The following TASOR2 variants were observed in gnomAD, a reference collection of about 807,000 sequenced individuals.
The protein encoded by TASOR2 is protein TASOR 2.
TASOR2 carries 84 observed loss-of-function variants against 199.5 expected under a neutral mutation model. The observed-to-expected ratio is 0.42, with a 90% CI of 0.35 to 0.50. The LOEUF is 0.50. Among genes scored for constraint, TASOR2 ranks in the 20% least tolerant of loss-of-function variants. The pLI is 0.02. For missense variants in TASOR2, 2,796 were observed against 2,835.9 expected, an observed-to-expected ratio of 0.99 and a Z score of 0.32; for synonymous variants, 1,103 against 1,046.6, an observed-to-expected ratio of 1.05 and a Z score of -1.04.
chr10:5,703,725 G>A (rs955509104), intron 1 of TASOR2, among the ~76,000 whole-genome samples: 4 of 151,158 alleles, frequency 2.6e-5, no homozygotes, highest in African/African-American at 4.9e-5. Flanking sequence ...CGATGGTCTC[G>A]ATCTCCTGAC....
chr10:5,726,823 T>C, intron 8 of TASOR2, 62 bp from the exon 10 acceptor site: 1 of 1,425,062 alleles, frequency 7.0e-7, no homozygotes, highest in Non-Finnish European at 9.9e-7. Flanking sequence ...TGAGTATGGG[T>C]AGAGGGAGAA....
Position 5,757,416 on chromosome 10 carries a change from G to A in TASOR2, c.6733-104G>A, listed in dbSNP as rs886729950. The A allele has an allele frequency of 3.4e-5, 39 of 1,146,596 alleles. No individual in the cohort carries two copies. In the Admixed American group the frequency reaches 1.0e-3, roughly 29 times the overall value. 71.0% of individuals were successfully genotyped at this position (1,146,596 alleles called of 1,614,324 possible). A position where few individuals can be genotyped will look rare whatever the true frequency, so the allele number is the denominator to read the frequency against. On this transcript the variant is annotated intron_variant, in intron 16 of 20. Transcript: ENST00000328090. ...GGTAATCCAGGTTGAAATATTTTCA[G>A]TTGTTCCTGAACCTTGACTCTCTTG...
In TASOR2 at chr10:5,701,867, C is replaced by A. The variant is rs1446660640; in HGVS notation, c.-287-10956C>A. On this transcript the variant is annotated intron_variant, in intron 1 of 20. Coordinates refer to ENST00000328090, the Ensembl canonical transcript of TASOR2. The surrounding 1 kb of genome is among the most constrained non-coding windows in gnomAD (Gnocchi z 4.9). Reference sequence around the variant, plus strand: ...GTTCTAACAATTTTTTTGGTGGAGTCCAGGTTTTTCTAAGTATAAGATCAC... The same window carrying A: ...GTTCTAACAATTTTTTTGGTGGAGTACAGGTTTTTCTAAGTATAAGATCAC... 6.6e-6 allele frequency among the ~76,000 whole-genome samples: 1 copy of A among 152,048 alleles called. No homozygotes were observed. Among genetic ancestry groups the A allele is most frequent in the African/African-American group, 2.4e-5 (1 of 41,402 alleles).
chr10:5,759,843 A>G lies in TASOR2; in HGVS notation c.6992+851A>G, dbSNP rs538429748. Among the ~76,000 whole-genome samples the G allele has an allele frequency of 5.9e-5, 9 of 152,380 alleles. No homozygotes were observed. In the South Asian group the frequency reaches 8.3e-4, roughly 14 times the overall value. ...AGCACAGAGGTTTCCTTGGCAGGAA[A>G]GGAGGGTGCAAAGGCTTCAGCAGGT... On this transcript the variant is annotated intron_variant, in intron 18 of 20. Coordinates refer to ENST00000328090, the Ensembl canonical transcript of TASOR2.
chr10:5,763,164 A>G lies in TASOR2; in HGVS notation c.*132A>G, dbSNP rs183243244. ...GAAAAACCAATGTTCTACAACTTGG[A>G]AAGTTTTCATTTTTTATATTTTGCT... On this transcript the variant is annotated 3_prime_UTR_variant, in exon 21 of 21. Transcript: ENST00000328090. 93 of 874,086 alleles carry G rather than the reference A, an allele frequency of 1.1e-4. No homozygotes were observed. The East Asian group carries it at 2.6e-3, about 25-fold the overall frequency. 54.1% of individuals were successfully genotyped at this position (874,086 alleles called of 1,614,324 possible). A position where few individuals can be genotyped will look rare whatever the true frequency, so the allele number is the denominator to read the frequency against.
rs774511921 is a variant in TASOR2, at chr10:5,742,392, C to T, written c.2623C>T (p.Leu875Phe). Residue 875 changes from leucine (L) to phenylalanine (F), a missense_variant, in exon 14 of 21, where the codon CTT (leucine) becomes TTT (phenylalanine). Physicochemically the swap from Leu to Phe is conservative, Grantham distance 22. Coordinates refer to ENST00000328090, the Ensembl canonical transcript of TASOR2. This position sits in a 1 kb window ranked among gnomAD's most constrained non-coding sequence, Gnocchi z 4.2. ...ATCCTTCCGTGATCCTAACTGCTTGCTTCCTTTCATTAAAACACCACTTAC... is the reference window on the plus strand; with the variant it reads ...ATCCTTCCGTGATCCTAACTGCTTGTTTCCTTTCATTAAAACACCACTTAC... 2 of 1,614,070 alleles carry T rather than the reference C, an allele frequency of 1.2e-6. No individual in the cohort carries two copies. The highest frequency in any genetic ancestry group is 1.1e-5 in the South Asian group (1 of 91,080).
At chr10:5,700,672 T>G (rs1341995453) in intron 1 of TASOR2, among the ~76,000 whole-genome samples, 2 of 152,194 alleles carry the variant, frequency 1.3e-5, no homozygotes, top group African/African-American at 4.8e-5. Context: ...TGCTTTTCTC[T>G]GATCATTCAT....
chr10:5,749,985 C>T (rs1837798121), exon 15 of TASOR2: 1 of 1,611,706 alleles, frequency 6.2e-7, no homozygotes, highest in Non-Finnish European at 8.5e-7. Flanking sequence ...TCCTGTTCTA[C>T]CTTGTCGAAA....
chr10:5,726,803 T>C (rs1347624880), intron 8 of TASOR2, 82 bp from the exon 10 acceptor site: 4 of 1,252,716 alleles, frequency 3.2e-6, no homozygotes, highest in Non-Finnish European at 4.6e-6. Flanking sequence ...TTGAGGTCAA[T>C]ATTCACTAAT....
In TASOR2 at chr10:5,742,256, G is replaced by T; in HGVS notation, c.2487G>T (p.Thr829=). ...CAAAATATGTGTCTATAAATAGCACGTTAGAATCTTGTGAGCTCCGTGAAA... is the reference window on the plus strand; with the variant it reads ...CAAAATATGTGTCTATAAATAGCACTTTAGAATCTTGTGAGCTCCGTGAAA... Residue 829 remains threonine, a synonymous_variant, in exon 14 of 21, where the codon ACG becomes ACT. Coordinates refer to ENST00000328090, the Ensembl canonical transcript of TASOR2. The surrounding 1 kb of genome is among the most constrained non-coding windows in gnomAD (Gnocchi z 4.2). 6 of 1,614,168 alleles carry T rather than the reference G, an allele frequency of 3.7e-6. No individual in the cohort carries two copies. The highest frequency in any genetic ancestry group is 5.1e-6 in the Non-Finnish European group (6 of 1,180,028).
At chr10:5,700,395 G>T (rs1837676104) in intron 1 of TASOR2, among the ~76,000 whole-genome samples, 1 of 152,010 alleles carries the variant, frequency 6.6e-6, no homozygotes, top group African/African-American at 2.4e-5. Context: ...AGTAAATACG[G>T]GAGTGCAGAT....
In TASOR2 at chr10:5,749,862, G is replaced by C. The variant is rs575974081; in HGVS notation, c.6441G>C (p.Met2147Ile). ...CTGGAGAAGCCACTGCTCAAGAGAT[G>C]TATCTGCCTTTCCCAGGACGGTCAG... The change falls in exon 15 of 21, where the codon ATG becomes ATC. Residue 2147 changes from methionine to isoleucine, a missense_variant. By Grantham distance (10) the Met-to-Ile change is conservative (BLOSUM62 1). This residue lies in a region of TASOR2 where 1,941 missense variants were observed against 1,924.9 expected (regional missense o/e 1.01). Transcript: ENST00000328090. The C allele has an allele frequency of 3.1e-6, 5 of 1,614,194 alleles. No homozygotes were observed. The South Asian group carries it at 5.5e-5, about 18-fold the overall frequency.
intron 2 of TASOR2, chr10:5,713,709 A>G (rs1832220873): frequency 6.6e-6 from 1 of 152,536 alleles, no homozygotes; most frequent in Admixed American, 6.5e-5. Flanking sequence ...TCATGCTTCT[A>G]AAGCTGTAGT....
Position 5,763,017 on chromosome 10 carries a change from G to A in TASOR2, c.7290-12G>A, listed in dbSNP as rs779384581. 8.7e-6 allele frequency: 14 copies of A among 1,610,472 alleles called. No homozygotes were observed. Among genetic ancestry groups the A allele is most frequent in the African/African-American group, 2.7e-5 (2 of 74,806 alleles). Reference sequence around the variant, plus strand: ...TTTTAAGAAGTTCTTTATCAATTTTGTGTTTCTTCAGGTGACTCAACTACA... The same window carrying A: ...TTTTAAGAAGTTCTTTATCAATTTTATGTTTCTTCAGGTGACTCAACTACA... On this transcript the variant is annotated splice_polypyrimidine_tract_variant and intron_variant, in intron 20 of 20. Coordinates refer to ENST00000328090, the Ensembl canonical transcript of TASOR2.
At chr10:5,744,290 G>GT (rs1394178758) in intron 14 of TASOR2, among the ~76,000 whole-genome samples, 1 of 75,788 alleles carries the variant, frequency 1.3e-5, no homozygotes, top group Admixed American at 1.3e-4. Flanking sequence ...TGTTGACTCT[G>GT]TTTTTTTGTT....
chr10:5,758,307 A>G (rs1839266180), intron 17 of TASOR2, among the ~76,000 whole-genome samples: 2 of 152,174 alleles, frequency 1.3e-5, no homozygotes, highest in South Asian at 4.1e-4. Flanking sequence ...TTGGGAGGCC[A>G]AGGCAGGAGG....
chr10:5,703,406 C>G (rs1838149235), intron 1 of TASOR2, among the ~76,000 whole-genome samples: 1 of 150,934 alleles, frequency 6.6e-6, no homozygotes, highest in South Asian at 2.1e-4. Context: ...AATAAATTGT[C>G]TAATGTTACA....
chr10:5,695,650 CTTAAGAT>C (rs1045154335), intron 1 of TASOR2, among the ~76,000 whole-genome samples: 3 of 151,978 alleles, frequency 2.0e-5, no homozygotes, highest in African/African-American at 7.3e-5. Flanking sequence ...GGAAGTCTCT[CTTAAGAT>C]TATAGTAAAA....
intron 1 of TASOR2, chr10:5,712,460 C>A: frequency 8.1e-7 from 1 of 1,231,704 alleles, no homozygotes. Flanking sequence ...CTCCATACTT[C>A]TTACTTGGAC....
Sources: allele counts gnomAD v4.1 joint callset (sites outside exome capture counted in the v4.1 genomes callset), GRCh38; gene constraint gnomAD v4.1.1; regional missense constraint gnomAD v4.1.1; non-coding constraint Gnocchi (gnomAD v3.1); transcripts MANE v1.5; gene names NCBI Gene and HGNC (gene_info 2026-07-23, HGNC 2026-07-21).